Variants in FHIT observed in about 807,000 individuals in gnomAD.
The protein encoded by FHIT is bis(5'-adenosyl)-triphosphatase.
FHIT carries 19 observed loss-of-function variants against 17.9 expected under a neutral mutation model. The observed-to-expected ratio is 1.06, with a 90% CI of 0.74 to 1.56. The LOEUF is 1.56. Among genes scored for constraint, FHIT ranks in the 40% most tolerant of loss-of-function variants. The probability of loss-of-function intolerance (pLI) is 0.00; values close to 1 mark genes in which losing one functional copy is unlikely to be tolerated. For synonymous variants in FHIT, 81 were observed against 69.7 expected, an observed-to-expected ratio of 1.16 and a Z score of -0.81; for missense variants, 248 against 189.2, an observed-to-expected ratio of 1.31 and a Z score of -1.82.
chr3:60,746,604 G>A (rs556887289), intron 4 of FHIT, among the ~76,000 whole-genome samples: 1 of 152,272 alleles, frequency 6.6e-6, no homozygotes, highest in Admixed American at 6.5e-5. Context: ...AGAGTAAGAA[G>A]GGAGGGATGG....
chr3:59,922,238 G>C, intron 8 of FHIT, 108 bp downstream of exon 8: 1 of 1,009,400 alleles, frequency 9.9e-7, no homozygotes, highest in Non-Finnish European at 1.5e-6. Context: ...TGGCTAAATA[G>C]AATTCCATTT....
chr3:60,563,187 G>A (rs577998365), intron 4 of FHIT, among the ~76,000 whole-genome samples: 11 of 152,222 alleles, frequency 7.2e-5, no homozygotes, highest in African/African-American at 2.4e-4. Flanking sequence ...GATGGGAAGC[G>A]GTAGGGACTT....
intron 7 of FHIT, among the ~76,000 whole-genome samples, chr3:59,948,824 T>C (rs965193789): frequency 4.6e-5 from 7 of 152,128 alleles, no homozygotes; most frequent in African/African-American, 1.7e-4. Context: ...GTTCATTTTT[T>C]CTATCATAAA....
chr3:60,104,534 A>AG (rs1477696211), intron 5 of FHIT, among the ~76,000 whole-genome samples: 1 of 151,308 alleles, frequency 6.6e-6, no homozygotes, highest in Non-Finnish European at 1.5e-5. Flanking sequence ...AAAGAGAAAG[A>AG]GGGGGAGAGG....
intron 8 of FHIT, among the ~76,000 whole-genome samples, chr3:59,815,345 G>A (rs760561733): frequency 4.6e-5 from 7 of 152,068 alleles, no homozygotes; most frequent in Non-Finnish European, 8.8e-5. Flanking sequence ...ACTAAAAGGG[G>A]AATTACCATT....
intron 7 of FHIT, among the ~76,000 whole-genome samples, chr3:60,010,494 G>C (rs1700098266): frequency 6.6e-6 from 1 of 152,188 alleles, no homozygotes; most frequent in African/African-American, 2.4e-5. Context: ...CGTTTATTTG[G>C]CATTGTTTGT....
At chr3:61,004,757 G>A (rs1437758073) in intron 3 of FHIT, among the ~76,000 whole-genome samples, 1 of 152,038 alleles carries the variant, frequency 6.6e-6, no homozygotes, top group Admixed American at 6.6e-5. Context: ...GAAGCATACA[G>A]GTCAGCAGGT....
At chr3:60,145,314 T>C (rs185292516) in intron 5 of FHIT, among the ~76,000 whole-genome samples, 2 of 152,316 alleles carry the variant, frequency 1.3e-5, no homozygotes, top group East Asian at 3.9e-4. Context: ...TGCAGTCACA[T>C]TATATGTAAA....
chr3:60,124,041 G>GAGAGAGAC lies in FHIT; in HGVS notation c.104-109890_104-109889insGTCTCTCT, dbSNP rs1553691004. 4.5e-3 allele frequency among the ~76,000 whole-genome samples: 212 copies of GAGAGAGAC among 47,384 alleles called. 1 individual carries two copies. The highest frequency in any genetic ancestry group is 6.1e-3 in the African/African-American group (60 of 9,758). 31.1% of individuals were successfully genotyped at this position (47,384 alleles called of 152,430 possible). On this transcript the variant is annotated intron_variant, in intron 5 of 9. Coordinates refer to ENST00000492590, the MANE Select transcript of FHIT (RefSeq NM_002012.4). ...AGAGAGAGAGAGAGAGAGAGAGAGA[G>GAGAGAGAC]AGAGAGAGAGAGAGACAGAGAGAGA... is the stretch of plus-strand genomic sequence containing the variant.
chr3:60,345,782 T>G (rs1255461823), intron 5 of FHIT, among the ~76,000 whole-genome samples: 3 of 152,230 alleles, frequency 2.0e-5, no homozygotes, highest in African/African-American at 7.2e-5. Flanking sequence ...TTATGCACTT[T>G]AAGAAAGAAA....
intron 5 of FHIT, among the ~76,000 whole-genome samples, chr3:60,063,507 G>C (rs918263118): frequency 2.0e-5 from 3 of 152,076 alleles, no homozygotes; most frequent in African/African-American, 7.2e-5. Context: ...AAAAGCAGAG[G>C]CCCAGAGTGA....
At chr3:61,161,312 T>C (rs2037686522) in intron 2 of FHIT, among the ~76,000 whole-genome samples, 2 of 151,958 alleles carry the variant, frequency 1.3e-5, no homozygotes, top group South Asian at 4.1e-4. Flanking sequence ...AGTGATTCTC[T>C]TGCCTCAGCC....
chr3:59,963,864 A>G (rs1242901486), intron 7 of FHIT, among the ~76,000 whole-genome samples: 1 of 152,252 alleles, frequency 6.6e-6, no homozygotes, highest in Non-Finnish European at 1.5e-5. Flanking sequence ...GCAAATTAAC[A>G]GAACACAATT....
At chr3:60,583,218 G>A (rs893668721) in intron 4 of FHIT, among the ~76,000 whole-genome samples, 1 of 151,786 alleles carries the variant, frequency 6.6e-6, no homozygotes, top group African/African-American at 2.4e-5. Flanking sequence ...ACTGTTTTTG[G>A]TTCCTCTTCA....
rs575861557 is a variant in FHIT at position 60,194,333 on chromosome 3, G to A, written c.104-180181C>T. Among the ~76,000 whole-genome samples, 6 of 152,160 alleles carry A rather than the reference G, an allele frequency of 3.9e-5. 1 individual carries two copies. The highest frequency in any genetic ancestry group is 1.4e-4 in the African/African-American group (6 of 41,520). On this transcript the variant is annotated intron_variant, in intron 5 of 9. Coordinates refer to ENST00000492590, the MANE Select transcript of FHIT (RefSeq NM_002012.4). ...ACAAAGCATTAAAAAACATAAACTG[G>A]GGAAAGGACACTCTATTTAATAAAT...
chr3:59,888,079 A>G (rs1456047647), intron 8 of FHIT, among the ~76,000 whole-genome samples: 2 of 152,166 alleles, frequency 1.3e-5, no homozygotes, highest in African/African-American at 4.8e-5. Flanking sequence ...TTTATCCCCA[A>G]TTTGTTCCCT....
chr3:60,104,925 T>C (rs1419217412), intron 5 of FHIT, among the ~76,000 whole-genome samples: 3 of 152,150 alleles, frequency 2.0e-5, no homozygotes, highest in Non-Finnish European at 4.4e-5. Flanking sequence ...TCAATGATGG[T>C]TGTTTAATAT....
chr3:60,807,787 C>T (rs1344191894), intron 4 of FHIT, among the ~76,000 whole-genome samples: 1 of 148,674 alleles, frequency 6.7e-6, no homozygotes, highest in Non-Finnish European at 1.5e-5. Context: ...CTAGAGGAGA[C>T]AGTGAAAAAG....
At chr3:59,840,576 C>T (rs977651086) in intron 8 of FHIT, among the ~76,000 whole-genome samples, 1 of 152,104 alleles carries the variant, frequency 6.6e-6, no homozygotes, top group Admixed American at 6.6e-5. Flanking sequence ...TAAGCAAGCA[C>T]GCAGGAATGG....
Sources: allele counts gnomAD v4.1 joint callset (sites outside exome capture counted in the v4.1 genomes callset), GRCh38; gene constraint gnomAD v4.1.1; transcripts MANE v1.5; gene names NCBI Gene and HGNC (gene_info 2026-07-23, HGNC 2026-07-21).